Variants in TAFA5 observed in about 807,000 individuals in gnomAD.
TAFA5 encodes the protein chemokine-like protein TAFA-5.
A neutral mutation model predicts 15.3 loss-of-function variants in TAFA5; 6 were observed. The observed-to-expected ratio is 0.39, with a 90% CI of 0.21 to 0.77. TAFA5 has a LOEUF of 0.77. TAFA5 is among the 30% of genes least tolerant of loss of function. TAFA5 has a pLI of 0.41. For synonymous variants in TAFA5, 103 were observed against 80.7 expected, an observed-to-expected ratio of 1.28 and a Z score of -1.48; for missense variants, 161 against 193.1, an observed-to-expected ratio of 0.83 and a Z score of 0.98.
chr22:48,601,230 G>C (rs1255679371), intron 1 of TAFA5, among the ~76,000 whole-genome samples: 2 of 152,176 alleles, frequency 1.3e-5, no homozygotes, highest in Non-Finnish European at 2.9e-5. Flanking sequence ...CATCCGCTGG[G>C]GGTCTTCGAT....
In TAFA5 at chr22:48,597,947, C is replaced by T. The variant is rs958953494; in HGVS notation, c.113-48650C>T. ...CGCTGATGGCATGAACACAGGAGTC[C>T]CGGCCCTCCATGGTGGGGGGAGTGT... On this transcript the variant is annotated intron_variant, in intron 1 of 3. Coordinates refer to ENST00000402357, the MANE Select transcript of TAFA5 (RefSeq NM_001082967.3). Among the ~76,000 whole-genome samples, 5 of 152,326 alleles carry T rather than the reference C, an allele frequency of 3.3e-5. No individual in the cohort carries two copies. In the South Asian group the frequency reaches 6.2e-4, roughly 19 times the overall value.
At chr22:48,542,121 G>GT (rs1333041335) in intron 1 of TAFA5, among the ~76,000 whole-genome samples, 10 of 87,520 alleles carry the variant, frequency 1.1e-4, no homozygotes, top group Admixed American at 3.3e-4. Context: ...GTGTGTGTGT[G>GT]GTGTGTGTGA....
At chr22:48,737,092 G>C (rs954810908) in intron 3 of TAFA5, among the ~76,000 whole-genome samples, 1 of 152,080 alleles carries the variant, frequency 6.6e-6, no homozygotes, top group Admixed American at 6.5e-5. Flanking sequence ...AGCTGCAGGT[G>C]GGGGCTGCCC....
At chr22:48,622,146 G>A (rs1925860456) in intron 1 of TAFA5, among the ~76,000 whole-genome samples, 1 of 152,182 alleles carries the variant, frequency 6.6e-6, no homozygotes, top group Admixed American at 6.5e-5. Context: ...GAGTGCATGA[G>A]AACCCAGGGG....
intron 1 of TAFA5, among the ~76,000 whole-genome samples, chr22:48,542,190 GTGTA>G (rs1306377806): frequency 2.1e-5 from 3 of 145,914 alleles, no homozygotes; most frequent in East Asian, 2.1e-4. Context: ...TGTGTGTCGT[GTGTA>G]TGTGTGTGTG....
chr22:48,602,775 G>A (rs1925022107), intron 1 of TAFA5, among the ~76,000 whole-genome samples: 1 of 152,158 alleles, frequency 6.6e-6, no homozygotes, highest in African/African-American at 2.4e-5. Flanking sequence ...ACCTGGTGAA[G>A]GAATAAGTCA....
At chr22:48,704,998 A>C (rs753664834) in intron 2 of TAFA5, among the ~76,000 whole-genome samples, 4 of 151,742 alleles carry the variant, frequency 2.6e-5, no homozygotes, top group Non-Finnish European at 4.4e-5. Context: ...AGAAAGAGAG[A>C]CAGCGAGCAC....
chr22:48,742,071 C>T lies in TAFA5; in HGVS notation c.391-7768C>T, dbSNP rs1412998484. Among the ~76,000 whole-genome samples the T allele has an allele frequency of 6.6e-6, 1 of 152,208 alleles. No homozygotes were observed. The highest frequency in any genetic ancestry group is 1.5e-5 in the Non-Finnish European group (1 of 68,030). ...GGGGAAACTGGGGCTCCCAGAGGCT[C>T]CAGCTGGGAGGCTGTGGGAGGTCGG... On this transcript the variant is annotated intron_variant, in intron 3 of 3. Coordinates refer to ENST00000402357, the MANE Select transcript of TAFA5 (RefSeq NM_001082967.3). The surrounding 1 kb of genome is among the most constrained non-coding windows in gnomAD (Gnocchi z 6.2).
At chr22:48,737,706 C>G (rs1250790322) in intron 3 of TAFA5, among the ~76,000 whole-genome samples, 1 of 152,208 alleles carries the variant, frequency 6.6e-6, no homozygotes, top group Non-Finnish European at 1.5e-5. Context: ...GCCAGTGCAG[C>G]CTCAGGGATG....
intron 1 of TAFA5, among the ~76,000 whole-genome samples, chr22:48,525,705 C>A (rs1339964981): frequency 6.6e-6 from 1 of 152,184 alleles, no homozygotes; most frequent in Admixed American, 6.5e-5. Flanking sequence ...CTGCTGCTGG[C>A]CTGGTACCCC....
At chr22:48,745,377 G>T (rs1872884170) in intron 3 of TAFA5, among the ~76,000 whole-genome samples, 1 of 145,690 alleles carries the variant, frequency 6.9e-6, no homozygotes, top group Admixed American at 6.9e-5. Flanking sequence ...CGGCTGGCCT[G>T]CCCGGGGTTC....
At chr22:48,608,228 T>C (rs1925270522) in intron 1 of TAFA5, among the ~76,000 whole-genome samples, 2 of 144,124 alleles carry the variant, frequency 1.4e-5, no homozygotes, top group African/African-American at 5.2e-5. Flanking sequence ...ATGATGTGTT[T>C]AGGAAATACA....
rs541215107 is a variant in TAFA5 at position 48,750,181 on chromosome 22, G to A, written c.*334G>A. 7 of 416,308 alleles carry A rather than the reference G, an allele frequency of 1.7e-5. No individual in the cohort carries two copies. The highest frequency in any genetic ancestry group is 9.0e-5 in the East Asian group (2 of 22,110). The allele number at this position is 416,308 out of a possible 1,614,324, so 25.8% of individuals were successfully genotyped here. ...AGGAGGAGGAGGAGGAGGCAGCTCC[G>A]GCAGCCACAGAAGGCTGCAGCCCAG... is the stretch of plus-strand genomic sequence containing the variant. On this transcript the variant is annotated 3_prime_UTR_variant, in exon 4 of 4. Coordinates refer to ENST00000402357, the MANE Select transcript of TAFA5 (RefSeq NM_001082967.3).
At chr22:48,711,389 G>T (rs130156) in intron 3 of TAFA5, among the ~76,000 whole-genome samples, 104,435 of 150,888 alleles carry the variant, frequency 0.69, 36,297 homozygotes, top group Middle Eastern at 0.73. Flanking sequence ...GTGAGTGACC[G>T]TGTGCTCACT....
chr22:48,673,934 G>C (rs879932428), intron 2 of TAFA5, among the ~76,000 whole-genome samples: 1 of 152,122 alleles, frequency 6.6e-6, no homozygotes, highest in Non-Finnish European at 1.5e-5. Flanking sequence ...GCTGGCCCCG[G>C]CTCTGGGGTC....
chr22:48,590,152 G>A (rs527941956), intron 1 of TAFA5, among the ~76,000 whole-genome samples: 1 of 152,278 alleles, frequency 6.6e-6, no homozygotes, highest in Admixed American at 6.5e-5. Flanking sequence ...GGAAGATCCG[G>A]ATTCCCATCC....
In TAFA5 at chr22:48,676,486, A is replaced by G. The variant is rs143078259; in HGVS notation, c.262+29740A>G. Among the ~76,000 whole-genome samples, 1,224 of 152,340 alleles carry G rather than the reference A, an allele frequency of 8.0e-3. 26 individuals carry two copies. The highest frequency in any genetic ancestry group is 0.028 in the African/African-American group (1,147 of 41,574). On this transcript the variant is annotated intron_variant, in intron 2 of 3. Coordinates refer to ENST00000402357, the MANE Select transcript of TAFA5 (RefSeq NM_001082967.3). ...GCTCAGAGGCGCAGGGGGAACAGCCATCACCACTGTGGGTGATTCTCCCAG... is the reference window on the plus strand; with the variant it reads ...GCTCAGAGGCGCAGGGGGAACAGCCGTCACCACTGTGGGTGATTCTCCCAG...
intron 3 of TAFA5, among the ~76,000 whole-genome samples, chr22:48,723,260 G>T (rs1929622751): frequency 6.6e-6 from 1 of 152,252 alleles, no homozygotes; most frequent in South Asian, 2.1e-4. Flanking sequence ...AATGAAATAC[G>T]ACGTGTGGCA....
intron 2 of TAFA5, among the ~76,000 whole-genome samples, chr22:48,665,889 G>A (rs1033788123): frequency 5.3e-5 from 8 of 151,496 alleles, no homozygotes; most frequent in African/African-American, 1.5e-4. Context: ...CTTGAACATC[G>A]CAGGGTGGGA....
Sources: gnomAD v4.1 joint callset for allele counts (sites outside exome capture counted in the v4.1 genomes callset) on GRCh38, gnomAD v4.1.1 for gene constraint, Gnocchi (gnomAD v3.1) non-coding constraint, MANE v1.5 for transcripts, NCBI Gene and HGNC (gene_info 2026-07-23, HGNC 2026-07-21) for gene names.